The following IGF1R variants were observed in gnomAD, a reference collection of about 807,000 sequenced individuals.
The protein encoded by IGF1R is insulin like growth factor 1 receptor, also known as insulin-like growth factor 1 receptor.
Under a neutral mutation model 144.6 loss-of-function variants are expected in IGF1R, and 44 were observed. That is an observed-to-expected ratio of 0.30 (90% CI 0.24 to 0.39). The LOEUF (loss-of-function observed/expected upper bound fraction) is 0.39. IGF1R is among the 10% of genes least tolerant of loss of function. The pLI, the probability that IGF1R is intolerant of heterozygous loss-of-function variation, is 1.00. For synonymous variants in IGF1R, 795 were observed against 722.8 expected (o/e 1.10, Z -1.60); for missense variants, 1,355 against 1,833.7 (o/e 0.74, Z 4.77).
intron 2 of IGF1R, among the ~76,000 whole-genome samples, chr15:98,825,973 C>A (rs562143936): frequency 2.2e-4 from 34 of 152,196 alleles, no homozygotes; most frequent in Admixed American, 1.7e-3. Flanking sequence ...GCCTTGGTGA[C>A]CTTTCCATAC....
chr15:98,809,333 C>A (rs1274359394), intron 2 of IGF1R, among the ~76,000 whole-genome samples: 1 of 152,150 alleles, frequency 6.6e-6, no homozygotes, highest in Non-Finnish European at 1.5e-5. Flanking sequence ...CGATTGGATT[C>A]TATTAGTTCT....
intron 2 of IGF1R, among the ~76,000 whole-genome samples, chr15:98,817,502 A>G (rs2056720557): frequency 6.6e-6 from 1 of 151,982 alleles, no homozygotes; most frequent in Non-Finnish European, 1.5e-5. Flanking sequence ...TACGCTGGGT[A>G]GTCATTGAGG....
In IGF1R at chr15:98,878,475, T is replaced by A. The variant is rs570671425; in HGVS notation, c.641-12850T>A. On this transcript the variant is annotated intron_variant, in intron 2 of 20. Transcript: ENST00000650285. ...CAAACAGTTCCAAATTTAAAATAAC[T>A]TGAAGTAACTTTTAAGTGTGTGAAA... Among the ~76,000 whole-genome samples, 6 of 152,072 alleles carry A rather than the reference T, an allele frequency of 3.9e-5. No individual in the cohort carries two copies. The South Asian group carries it at 1.2e-3, about 32-fold the overall frequency.
At chr15:98,879,326 C>T (rs190849235) in intron 2 of IGF1R, among the ~76,000 whole-genome samples, 17 of 152,162 alleles carry the variant, frequency 1.1e-4, no homozygotes, top group Admixed American at 1.0e-3. Context: ...CAAATTCCGC[C>T]CCCAGCCCCT....
At chr15:98,930,980 T>A (rs1162063292) in intron 15 of IGF1R, among the ~76,000 whole-genome samples, 1 of 152,232 alleles carries the variant, frequency 6.6e-6, no homozygotes, top group African/African-American at 2.4e-5. Flanking sequence ...CTGAGTCCAG[T>A]GATACTAGGA....
intron 1 of IGF1R, among the ~76,000 whole-genome samples, chr15:98,700,819 G>C (rs1411795009): frequency 6.6e-6 from 1 of 151,970 alleles, no homozygotes; most frequent in Non-Finnish European, 1.5e-5. Flanking sequence ...CATCTTTCAG[G>C]GTCGTCTCTG....
chr15:98,928,214 G>C (rs948556503), intron 13 of IGF1R, among the ~76,000 whole-genome samples: 1 of 152,114 alleles, frequency 6.6e-6, no homozygotes, highest in Non-Finnish European at 1.5e-5. Context: ...CTGTCATACT[G>C]TATGAGCCTC....
intron 1 of IGF1R, among the ~76,000 whole-genome samples, chr15:98,661,956 CTT>C (rs869208651): frequency 2.3e-4 from 24 of 105,708 alleles, no homozygotes; most frequent in South Asian, 6.3e-4. Flanking sequence ...GAATAGGGCC[CTT>C]TTTTTTTTTT....
chr15:98,649,271 C>G lies in IGF1R; in HGVS notation c.-311C>G, dbSNP rs1385588845. 1.4e-4 allele frequency: 29 copies of G among 214,618 alleles called. No individual in the cohort carries two copies. Among genetic ancestry groups the G allele is most frequent in the Non-Finnish European group, 2.3e-4 (25 of 106,618 alleles). The allele number at this position is 214,618 out of a possible 1,614,324, so 13.3% of individuals were successfully genotyped here. A position where few individuals can be genotyped will look rare whatever the true frequency, so the allele number is the denominator to read the frequency against. On this transcript the variant is annotated 5_prime_UTR_variant, in exon 1 of 21. Coordinates refer to ENST00000650285, the MANE Select transcript of IGF1R (RefSeq NM_000875.5). The stretch of plus-strand genomic sequence containing the variant: ...GCAGTTTTCCCCCCTTCCTGCCTCT[C>G]CGGGTTTGAAAATGGAGGCCGACGA...
Position 98,963,208 on chromosome 15 carries a change from G to A in IGF1R, c.*5766G>A, listed in dbSNP as rs2017295491. ...TCTGTGTGTGCAAATGTGTGTTTGT[G>A]ATCCATTTTTTTTTTTTTTTTTTAG... On this transcript the variant is annotated 3_prime_UTR_variant, in exon 21 of 21. Coordinates refer to ENST00000650285, the MANE Select transcript of IGF1R (RefSeq NM_000875.5). The A allele has an allele frequency of 1.0e-5, 2 of 192,094 alleles. No individual in the cohort carries two copies. The highest frequency in any genetic ancestry group is 1.3e-4 in the East Asian group (2 of 14,838). 11.9% of individuals were successfully genotyped at this position (192,094 alleles called of 1,614,324 possible).
intron 15 of IGF1R, among the ~76,000 whole-genome samples, chr15:98,931,261 A>G (rs539303202): frequency 1.3e-5 from 2 of 152,318 alleles, no homozygotes; most frequent in South Asian, 4.1e-4. Flanking sequence ...AAATAAGTGC[A>G]TGATGTTGAG....
intron 2 of IGF1R, among the ~76,000 whole-genome samples, chr15:98,765,190 C>G (rs539824229): frequency 1.3e-5 from 2 of 152,132 alleles, no homozygotes; most frequent in Non-Finnish European, 2.9e-5. Flanking sequence ...CCAGTTGTAT[C>G]CAGAAGATTT....
Position 98,707,684 on chromosome 15 carries a change from T to C in IGF1R, c.217T>C (p.Tyr73His). ...LISKAEDYRS[Y>H]RFPKLTVITE... ...CTCCAAGGCCGAGGACTACCGCAGC[T>C]ACCGCTTCCCCAAGCTCACGGTCAT... Residue 73 changes from tyrosine to histidine, a missense_variant, in exon 2 of 21, where the codon TAC becomes CAC. Coordinates refer to ENST00000650285, the MANE Select transcript of IGF1R (RefSeq NM_000875.5). This position sits in a 1 kb window ranked among gnomAD's most constrained non-coding sequence, Gnocchi z 6.7. The C allele has an allele frequency of 6.2e-7, 1 of 1,614,178 alleles. No individual in the cohort carries two copies. The highest frequency in any genetic ancestry group is 1.1e-5 in the South Asian group (1 of 91,084).
chr15:98,821,293 C>T (rs867548790), intron 2 of IGF1R, among the ~76,000 whole-genome samples: 5 of 150,658 alleles, frequency 3.3e-5, no homozygotes, highest in East Asian at 2.0e-4. Flanking sequence ...TCCCCCCCCC[C>T]TTTTTAAACT....
chr15:98,865,018 T>C (rs145202807), intron 2 of IGF1R, among the ~76,000 whole-genome samples: 9 of 152,314 alleles, frequency 5.9e-5, no homozygotes, highest in African/African-American at 1.7e-4. Context: ...GTAGCTGTTA[T>C]ATTTGGGAGA....
At chr15:98,836,798 A>G (rs962188951) in intron 2 of IGF1R, among the ~76,000 whole-genome samples, 1 of 152,172 alleles carries the variant, frequency 6.6e-6, no homozygotes, top group Non-Finnish European at 1.5e-5. Flanking sequence ...TTTGAATAGT[A>G]TGGACAGGTT....
intron 2 of IGF1R, among the ~76,000 whole-genome samples, chr15:98,794,969 G>A (rs529671622): frequency 1.3e-5 from 2 of 152,292 alleles, no homozygotes; most frequent in African/African-American, 4.8e-5. Context: ...AGCTTTGATT[G>A]CTTACCTTAG....
chr15:98,724,411 A>G (rs1486763016), intron 2 of IGF1R, among the ~76,000 whole-genome samples: 1 of 152,148 alleles, frequency 6.6e-6, no homozygotes, highest in African/African-American at 2.4e-5. Context: ...ACATTTATGA[A>G]GCAGGGGTGA....
chr15:98,651,728 GT>G (rs1195779175), intron 1 of IGF1R, among the ~76,000 whole-genome samples: 1 of 152,136 alleles, frequency 6.6e-6, no homozygotes, highest in East Asian at 1.9e-4. Flanking sequence ...TTTAATGTAT[GT>G]TTTTACTCCA....
Sources: allele counts gnomAD v4.1 joint callset (sites outside exome capture counted in the v4.1 genomes callset), GRCh38; gene constraint gnomAD v4.1.1; non-coding constraint Gnocchi (gnomAD v3.1); transcripts MANE v1.5; gene names NCBI Gene and HGNC (gene_info 2026-07-23, HGNC 2026-07-21).